CNOT7: variants seen among roughly 807,000 people sequenced by gnomAD.
CNOT7 encodes the protein BTG1-binding factor 1.
A neutral mutation model predicts 37.1 loss-of-function variants in CNOT7; 4 were observed. That is an observed-to-expected ratio of 0.11 (90% CI 0.05 to 0.25). The LOEUF is 0.25. Among genes scored for constraint, CNOT7 ranks in the 10% least tolerant of loss-of-function variants. The pLI is 1.00. For synonymous variants in CNOT7, 128 were observed against 115.6 expected, an observed-to-expected ratio of 1.11 and a Z score of -0.69; for missense variants, 170 against 336.2, an observed-to-expected ratio of 0.51 and a Z score of 3.87.
chr8:17,243,375 C>T (rs1052154478), intron 2 of CNOT7, 190 bp from the exon 3 acceptor site: 1 of 640,762 alleles, frequency 1.6e-6, no homozygotes, highest in African/African-American at 1.8e-5. Flanking sequence ...ACTTAATAAC[C>T]TTTCCTTAAA....
In CNOT7 at chr8:17,225,529, T is replaced by G. The variant is rs1367714522; in HGVS notation, c.*5191A>C. 1 of 151,718 alleles carries G rather than the reference T, an allele frequency of 6.6e-6. No homozygotes were observed. The highest frequency in any genetic ancestry group is 2.4e-5 in the African/African-American group (1 of 41,398). 9.4% of individuals were successfully genotyped at this position (151,718 alleles called of 1,614,324 possible). A position where few individuals can be genotyped will look rare whatever the true frequency, so the allele number is the denominator to read the frequency against. ...TGCTCAATTGCTTTTATACTAAACG[T>G]TAAATGTAACTAATGCTGTAGAAAA... is the stretch of plus-strand genomic sequence containing the variant. On this transcript the variant is annotated 3_prime_UTR_variant, in exon 7 of 7. Coordinates refer to ENST00000361272, the MANE Select transcript of CNOT7 (RefSeq NM_013354.7).
In CNOT7 at chr8:17,228,848, C is replaced by A. The variant is rs1387200103; in HGVS notation, c.*1872G>T. ...ATTAGTTTTCTCAGCTAACAAATCA[C>A]AAGCGAAAAGAAGCTTCACTTCCTT... is the stretch of plus-strand genomic sequence containing the variant. On this transcript the variant is annotated 3_prime_UTR_variant, in exon 7 of 7. Transcript: ENST00000361272. 3.9e-5 allele frequency: 6 copies of A among 151,956 alleles called. No homozygotes were observed. Among genetic ancestry groups the A allele is most frequent in the African/African-American group, 1.4e-4 (6 of 41,418 alleles). 9.4% of individuals were successfully genotyped at this position (151,956 alleles called of 1,614,324 possible).
At chr8:17,235,840 A>G (rs1445054110) in intron 4 of CNOT7, among the ~76,000 whole-genome samples, 1 of 152,246 alleles carries the variant, frequency 6.6e-6, no homozygotes, top group African/African-American at 2.4e-5. Flanking sequence ...ATTCAAATAT[A>G]TCAGTCTAAC....
intron 2 of CNOT7, chr8:17,244,798 G>T: frequency 2.5e-6 from 1 of 405,368 alleles, no homozygotes. Flanking sequence ...TTATTCAAAC[G>T]GCCCATGGTT....
chr8:17,242,909 G>T, intron 3 of CNOT7, 83 bp downstream of exon 3: 3 of 859,782 alleles, frequency 3.5e-6, no homozygotes, highest in South Asian at 2.0e-5. Flanking sequence ...CACCTAGCAT[G>T]TCACCATACT....
rs1585771366 is a variant in CNOT7, at chr8:17,230,619, G to A, written c.*101C>T. ...ACAATAAAATGGGCCATGAAAGGGG[G>A]GGGAAAGGTACTGTCTATTGTTCGA... On this transcript the variant is annotated 3_prime_UTR_variant, in exon 7 of 7. Coordinates refer to ENST00000361272, the MANE Select transcript of CNOT7 (RefSeq NM_013354.7). 8 of 968,524 alleles carry A rather than the reference G, an allele frequency of 8.3e-6. No homozygotes were observed. In the East Asian group the frequency reaches 2.2e-4, roughly 27 times the overall value. 60.0% of individuals were successfully genotyped at this position (968,524 alleles called of 1,614,324 possible).
In CNOT7 at chr8:17,229,462, G is replaced by T. The variant is rs1808369578; in HGVS notation, c.*1258C>A. 6.6e-6 allele frequency: 1 copy of T among 152,108 alleles called. No homozygotes were observed. Among genetic ancestry groups the T allele is most frequent in the Non-Finnish European group, 1.5e-5 (1 of 67,800 alleles). The allele number at this position is 152,108 out of a possible 1,614,324, so 9.4% of individuals were successfully genotyped here. ...TTATAACTTGTAGTCCATCATTTCG[G>T]GGTAGAGTTAATGATTACCGTAAAG... On this transcript the variant is annotated 3_prime_UTR_variant, in exon 7 of 7. Transcript: ENST00000361272.
In CNOT7 at chr8:17,234,884, AGAAGAGG is replaced by A. The variant is rs543673698; in HGVS notation, c.474-31_474-25del. 3.9e-5 allele frequency: 62 copies of A among 1,608,028 alleles called. No homozygotes were observed. The African/African-American group carries it at 8.3e-4, about 22-fold the overall frequency. On this transcript the variant is annotated intron_variant, in intron 4 of 6. Transcript: ENST00000361272. ...CGCTATAAAAGGGTTAAAAGAATAG[AGAAGAGG>A]GACATATAAATACTATAAAGATTAA...
rs574850461 is a variant in CNOT7, at chr8:17,232,395, CAACT to C, written c.729+28_729+31del. On this transcript the variant is annotated intron_variant, in intron 6 of 6. Transcript: ENST00000361272. ...TTTTTAATGTTCTCAACCTAACAAC[CAACT>C]GAGAAAAAGGCAGTGATGTCTTCAT... The C allele has an allele frequency of 1.2e-4, 197 of 1,613,336 alleles. No homozygotes were observed. In the African/African-American group the frequency reaches 2.2e-3, roughly 18 times the overall value.
In CNOT7 at chr8:17,227,469, C is replaced by T. The variant is rs1056102937; in HGVS notation, c.*3251G>A. The T allele has an allele frequency of 6.6e-6, 1 of 151,960 alleles. No individual in the cohort carries two copies. The highest frequency in any genetic ancestry group is 1.9e-4 in the East Asian group (1 of 5,180). 9.4% of individuals were successfully genotyped at this position (151,960 alleles called of 1,614,324 possible). A position where few individuals can be genotyped will look rare whatever the true frequency, so the allele number is the denominator to read the frequency against. On this transcript the variant is annotated 3_prime_UTR_variant, in exon 7 of 7. Transcript: ENST00000361272. ...ACTGTTCTCATCAAAGGGCTGATGT[C>T]TTAATTTTCTCTGGACACATGTCTT...
chr8:17,235,390 A>T (rs552225025), intron 4 of CNOT7, among the ~76,000 whole-genome samples: 1 of 152,304 alleles, frequency 6.6e-6, no homozygotes, highest in African/African-American at 2.4e-5. Context: ...CTTCTCTTAA[A>T]TGACTGTGTT....
In CNOT7 at chr8:17,245,067, T is replaced by C; in HGVS notation, c.86A>G (p.Gln29Arg). The stretch of plus-strand genomic sequence containing the variant: ...AACGTAATTATATTTTCGGATAACT[T>C]GACGAATTTTCTTCATCTCTTCATC... The part of the protein sequence containing the change: ...NLDEEMKKIR[Q>R]VIRKYNYVAM... The change falls in exon 2 of 7, where the codon CAA (glutamine) becomes CGA (arginine). Residue 29 changes from glutamine (Q) to arginine (R), a missense_variant. By Grantham distance (43) the Gln-to-Arg change is conservative (BLOSUM62 1). This residue lies in a region of CNOT7 where 38 missense variants were observed against 36.9 expected (regional missense o/e 1.03). Coordinates refer to ENST00000361272, the MANE Select transcript of CNOT7 (RefSeq NM_013354.7). 1 of 1,613,778 alleles carries C rather than the reference T, an allele frequency of 6.2e-7. No individual in the cohort carries two copies. The highest frequency in any genetic ancestry group is 8.5e-7 in the Non-Finnish European group (1 of 1,179,800).
At chr8:17,239,815 A>C (rs896111218) in intron 3 of CNOT7, among the ~76,000 whole-genome samples, 1 of 152,236 alleles carries the variant, frequency 6.6e-6, no homozygotes, top group South Asian at 2.1e-4. Context: ...TTTGTTAAAA[A>C]TTTGTTTTAA....
chr8:17,233,973 G>C (rs1008632772), intron 5 of CNOT7, among the ~76,000 whole-genome samples: 1 of 152,160 alleles, frequency 6.6e-6, no homozygotes, highest in Non-Finnish European at 1.5e-5. Context: ...AGAATCACTT[G>C]AACCCGGGAG....
chr8:17,245,144 C>T lies in CNOT7; in HGVS notation c.9G>A (p.Ala3=), dbSNP rs376194907. The change falls in exon 2 of 7, where the codon GCG becomes GCA. Residue 3 remains alanine (A), a synonymous_variant. Transcript: ENST00000361272. MP[A]ATVDHSQRIC... ...TTCTTTGGCTATGATCTACAGTTGC[C>T]GCTGGCATAGTGAGGGCACAAGGGA... is the stretch of plus-strand genomic sequence containing the variant. 1.1e-5 allele frequency: 18 copies of T among 1,612,470 alleles called. No homozygotes were observed. Among genetic ancestry groups the T allele is most frequent in the Admixed American group, 1.7e-5 (1 of 59,890 alleles).
chr8:17,244,307 G>T (rs1053171954), intron 2 of CNOT7: 1 of 152,322 alleles, frequency 6.6e-6, no homozygotes, highest in South Asian at 2.1e-4. Flanking sequence ...TATATTCACA[G>T]AACTCCAGTG....
At position 17,225,239 on chromosome 8, in the gene CNOT7, A is replaced by ATAT. The variant is rs1808080292; in HGVS notation, c.*5480_*5481insATA. On this transcript the variant is annotated 3_prime_UTR_variant, in exon 7 of 7. Coordinates refer to ENST00000361272, the MANE Select transcript of CNOT7 (RefSeq NM_013354.7). ...AACTCCAATTTCTTGGTATGATACTAAATAAAGATTCTTATCTTTTGGGAG... is the reference window on the plus strand; with the variant it reads ...AACTCCAATTTCTTGGTATGATACTATATAATAAAGATTCTTATCTTTTGGGAG... 2 of 151,654 alleles carry ATAT rather than the reference A, an allele frequency of 1.3e-5. No individual in the cohort carries two copies. The highest frequency in any genetic ancestry group is 4.1e-4 in the South Asian group (2 of 4,832). 9.4% of individuals were successfully genotyped at this position (151,654 alleles called of 1,614,324 possible). A position where few individuals can be genotyped will look rare whatever the true frequency, so the allele number is the denominator to read the frequency against.
In CNOT7 at chr8:17,225,788, T is replaced by C. The variant is rs774291258; in HGVS notation, c.*4932A>G. 3.3e-5 allele frequency: 5 copies of C among 151,750 alleles called. No individual in the cohort carries two copies. Among genetic ancestry groups the C allele is most frequent in the Admixed American group, 6.6e-5 (1 of 15,210 alleles). The allele number at this position is 151,750 out of a possible 1,614,324, so 9.4% of individuals were successfully genotyped here. On this transcript the variant is annotated 3_prime_UTR_variant, in exon 7 of 7. Transcript: ENST00000361272. Reference sequence around the variant, plus strand: ...AATTACACCAACATAGCAAATGGCATGTGTGAACTGGCCTTCACTACAAAG... The same window carrying C: ...AATTACACCAACATAGCAAATGGCACGTGTGAACTGGCCTTCACTACAAAG...
intron 2 of CNOT7, 35 bp downstream of exon 2, chr8:17,245,001 T>G: frequency 6.7e-7 from 1 of 1,503,568 alleles, no homozygotes. Flanking sequence ...TCCTCCTTTA[T>G]ATGAAGCGTT....
Sources: gnomAD v4.1 joint callset for allele counts (sites outside exome capture counted in the v4.1 genomes callset) on GRCh38, gnomAD v4.1.1 for gene constraint, gnomAD v4.1.1 regional missense constraint, MANE v1.5 for transcripts, NCBI Gene and HGNC (gene_info 2026-07-23, HGNC 2026-07-21) for gene names.